MAGI2: variants seen among roughly 807,000 people sequenced by gnomAD.
The protein encoded by MAGI2 is membrane-associated guanylate kinase, WW and PDZ domain-containing protein 2.
In MAGI2, 35 loss-of-function variants were observed where a neutral mutation model predicts 133.3. That is an observed-to-expected ratio of 0.26 (90% CI 0.20 to 0.35). The LOEUF is 0.35. Among genes scored for constraint, MAGI2 ranks in the 10% least tolerant of loss-of-function variants. The pLI is 1.00. For missense variants in MAGI2, 1,636 were observed against 1,863.4 expected (o/e 0.88, Z 2.25); for synonymous variants, 729 against 710.6 (o/e 1.03, Z -0.41).
intron 1 of MAGI2, among the ~76,000 whole-genome samples, chr7:79,069,250 C>G (rs1814703180): frequency 6.6e-6 from 1 of 152,062 alleles, no homozygotes; most frequent in African/African-American, 2.4e-5. Context: ...CTTTGTACGT[C>G]TCTAAGAACT....
chr7:79,450,038 C>A (rs1849136268), intron 1 of MAGI2, among the ~76,000 whole-genome samples: 1 of 151,548 alleles, frequency 6.6e-6, no homozygotes, highest in Admixed American at 6.6e-5. Flanking sequence ...ACCTGGTGCA[C>A]TTATTAACAA....
intron 11 of MAGI2, among the ~76,000 whole-genome samples, chr7:78,199,653 C>T (rs541213515): frequency 6.6e-6 from 1 of 152,292 alleles, no homozygotes; most frequent in East Asian, 1.9e-4. Context: ...TCAAGAGTTT[C>T]TGGTAGATAC....
rs191040350 is a variant in MAGI2, at chr7:79,068,831, T to C, written c.302-61625A>G. ...TTCAAATAACATCTTTATTTCTGCTTTCATTTCGTTATTTACCCAGTAGTT... is the reference window on the plus strand; with the variant it reads ...TTCAAATAACATCTTTATTTCTGCTCTCATTTCGTTATTTACCCAGTAGTT... On this transcript the variant is annotated intron_variant, in intron 1 of 21. Coordinates refer to ENST00000354212, the MANE Select transcript of MAGI2 (RefSeq NM_012301.4). Among the ~76,000 whole-genome samples the C allele has an allele frequency of 5.4e-4, 82 of 152,316 alleles. 1 individual carries two copies. Among genetic ancestry groups the C allele is most frequent in the African/African-American group, 1.9e-3 (77 of 41,574 alleles).
chr7:78,503,471 C>T lies in MAGI2; in HGVS notation c.755-1684G>A, dbSNP rs185245828. Among the ~76,000 whole-genome samples, 568 of 151,544 alleles carry T rather than the reference C, an allele frequency of 3.7e-3. 5 individuals are homozygous for T. The highest frequency in any genetic ancestry group is 0.013 in the African/African-American group (551 of 41,336). On this transcript the variant is annotated intron_variant, in intron 4 of 21. Transcript: ENST00000354212. ...GGATCATGGGGAAGGCTTCCCCCAT[C>T]CTGTTCTTGTGGTAGTGAGTAAGTC...
intron 2 of MAGI2, among the ~76,000 whole-genome samples, chr7:78,744,208 A>G (rs1022282893): frequency 3.3e-5 from 5 of 152,186 alleles, no homozygotes; most frequent in Non-Finnish European, 7.4e-5. Context: ...TTCTTTATGA[A>G]TGAGTCAAAT....
chr7:78,389,592 C>A (rs1309659602), intron 6 of MAGI2, among the ~76,000 whole-genome samples: 1 of 152,130 alleles, frequency 6.6e-6, no homozygotes, highest in African/African-American at 2.4e-5. Flanking sequence ...ATTTGGGTAG[C>A]ACACGGAATT....
chr7:78,716,998 T>C (rs17151352), intron 2 of MAGI2, among the ~76,000 whole-genome samples: 24,421 of 152,068 alleles, frequency 0.16, 2,240 homozygotes, highest in African/African-American at 0.23. Context: ...AGAAACATCT[T>C]GTGGGACAGG....
At chr7:78,755,935 TTAAA>T (rs1364749627) in intron 2 of MAGI2, among the ~76,000 whole-genome samples, 5 of 152,320 alleles carry the variant, frequency 3.3e-5, no homozygotes, top group African/African-American at 1.2e-4. Flanking sequence ...TTTTATTTTA[TTAAA>T]TAAATATTTC....
chr7:79,091,163 T>G (rs1451455705), intron 1 of MAGI2, among the ~76,000 whole-genome samples: 1 of 152,100 alleles, frequency 6.6e-6, no homozygotes, highest in Non-Finnish European at 1.5e-5. Context: ...TCTCAGAGTT[T>G]CCAAGATTTT....
intron 21 of MAGI2, among the ~76,000 whole-genome samples, chr7:78,053,899 C>A (rs1812281895): frequency 6.6e-6 from 1 of 152,138 alleles, no homozygotes; most frequent in Admixed American, 6.5e-5. Flanking sequence ...GAACCTCCAG[C>A]TTGCTGTGAG....
Position 78,132,878 on chromosome 7 carries a change from G to A in MAGI2, c.3203+11C>T. ...ACCTCTCAGAATCACAAAAGTCAGA[G>A]GAAATTTTACCTATTTTCGTGTCCT... is the stretch of plus-strand genomic sequence containing the variant. On this transcript the variant is annotated intron_variant, in intron 18 of 21. Coordinates refer to ENST00000354212, the MANE Select transcript of MAGI2 (RefSeq NM_012301.4). The A allele has an allele frequency of 6.2e-7, 1 of 1,614,032 alleles. No homozygotes were observed. The highest frequency in any genetic ancestry group is 1.1e-5 in the South Asian group (1 of 91,074).
chr7:78,323,542 C>T (rs1335884832), intron 9 of MAGI2, among the ~76,000 whole-genome samples: 1 of 152,190 alleles, frequency 6.6e-6, no homozygotes, highest in Non-Finnish European at 1.5e-5. Flanking sequence ...GCCTCAGAGA[C>T]CAGCCCTGGA....
In MAGI2 at chr7:78,353,312, T is replaced by G. The variant is rs544882320; in HGVS notation, c.1104-7269A>C. Among the ~76,000 whole-genome samples the G allele has an allele frequency of 2.6e-5, 4 of 152,344 alleles. No individual in the cohort carries two copies. The South Asian group carries it at 6.2e-4, about 24-fold the overall frequency. On this transcript the variant is annotated intron_variant, in intron 7 of 21. Transcript: ENST00000354212. ...GTTTAAGTCCTTTACGTCTCATATA[T>G]AATTCCATTGATTCCTCAGTATTCT...
At chr7:78,167,328 CTT>C (rs1433012840) in intron 15 of MAGI2, among the ~76,000 whole-genome samples, 1 of 152,102 alleles carries the variant, frequency 6.6e-6, no homozygotes, top group African/African-American at 2.4e-5. Flanking sequence ...AAAAGTATGT[CTT>C]TGGTGGATTC....
chr7:78,893,224 G>A (rs1222951574), intron 2 of MAGI2, among the ~76,000 whole-genome samples: 1 of 152,058 alleles, frequency 6.6e-6, no homozygotes, highest in Non-Finnish European at 1.5e-5. Context: ...AAAAAGTCAG[G>A]AAACAACAGG....
intron 21 of MAGI2, among the ~76,000 whole-genome samples, chr7:78,046,202 C>G (rs918300273): frequency 6.7e-6 from 1 of 149,774 alleles, no homozygotes; most frequent in East Asian, 2.0e-4. Flanking sequence ...TTGAGACCAG[C>G]CTGGTCAAAG....
At chr7:78,772,761 G>C (rs1057324652) in intron 2 of MAGI2, among the ~76,000 whole-genome samples, 1 of 152,082 alleles carries the variant, frequency 6.6e-6, no homozygotes, top group Non-Finnish European at 1.5e-5. Flanking sequence ...GCTTCAGTTT[G>C]TGCTACAAAA....
chr7:78,996,726 C>G (rs1038365918), intron 2 of MAGI2, among the ~76,000 whole-genome samples: 3 of 152,162 alleles, frequency 2.0e-5, no homozygotes, highest in Admixed American at 6.5e-5. Flanking sequence ...CTAGGATCGA[C>G]TTTAAAAACT....
At chr7:79,204,266 G>T (rs1052465489) in intron 1 of MAGI2, among the ~76,000 whole-genome samples, 1 of 152,074 alleles carries the variant, frequency 6.6e-6, no homozygotes, top group African/African-American at 2.4e-5. Flanking sequence ...CTTCAGGCTT[G>T]TGTGTAAACT....
Sources: gnomAD v4.1 joint callset for allele counts (sites outside exome capture counted in the v4.1 genomes callset) on GRCh38, gnomAD v4.1.1 for gene constraint, MANE v1.5 for transcripts, NCBI Gene and HGNC (gene_info 2026-07-23, HGNC 2026-07-21) for gene names.